ELF2: variants seen among roughly 807,000 people sequenced by gnomAD.
ELF2 encodes the protein ETS-related transcription factor Elf-2.
ELF2 carries 11 observed loss-of-function variants against 54.8 expected under a neutral mutation model. That is an observed-to-expected ratio of 0.20 (90% confidence interval 0.13 to 0.33). The LOEUF (loss-of-function observed/expected upper bound fraction) is 0.33. Among genes scored for constraint, ELF2 ranks in the 10% least tolerant of loss-of-function variants. ELF2 has a pLI of 1.00. For missense variants in ELF2, 513 were observed against 703.0 expected, an observed-to-expected ratio of 0.73 and a Z score of 3.06; for synonymous variants, 203 against 245.1, an observed-to-expected ratio of 0.83 and a Z score of 1.61.
chr4:139,080,082 G>A (rs530920823), intron 4 of ELF2, among the ~76,000 whole-genome samples: 12 of 152,134 alleles, frequency 7.9e-5, no homozygotes, highest in Admixed American at 7.2e-4. Flanking sequence ...TCAAACATGA[G>A]GAATTATTTT....
intron 4 of ELF2, among the ~76,000 whole-genome samples, chr4:139,080,471 A>G (rs1267990481): frequency 1.3e-5 from 2 of 152,206 alleles, no homozygotes; most frequent in African/African-American, 4.8e-5. Flanking sequence ...TTCATAATGA[A>G]CTTTAATAAA....
chr4:139,068,066 G>A (rs1415847002), intron 6 of ELF2, among the ~76,000 whole-genome samples: 4 of 150,824 alleles, frequency 2.7e-5, no homozygotes, highest in Admixed American at 6.6e-5. Context: ...TTGCTCTGTC[G>A]CCCAGGCTGG....
At position 139,060,606 on chromosome 4, in the gene ELF2, A is replaced by G. The variant is rs746770126; in HGVS notation, c.875T>C (p.Met292Thr). ...GQRLVYQFKDMPKNIVVIDDD... is the reference protein window; with the variant it reads ...GQRLVYQFKDTPKNIVVIDDD... Reference sequence around the variant, plus strand: ...ATCTATGACCACTATGTTTTTCGGCATATCCTTGAACTGATATACAAGCCT... The same window carrying G: ...ATCTATGACCACTATGTTTTTCGGCGTATCCTTGAACTGATATACAAGCCT... Residue 292 changes from methionine (M) to threonine (T), a missense_variant, in exon 9 of 10, where the codon ATG (methionine) becomes ACG (threonine). This residue lies in a region of ELF2 where 291 missense variants were observed against 366.1 expected (regional missense o/e 0.79). Coordinates refer to ENST00000686138, the MANE Select transcript of ELF2 (RefSeq NM_001331036.3). 14 of 1,613,726 alleles carry G rather than the reference A, an allele frequency of 8.7e-6. No individual in the cohort carries two copies. Among genetic ancestry groups the G allele is most frequent in the Non-Finnish European group, 1.1e-5 (13 of 1,179,948 alleles).
At chr4:139,172,748 C>A (rs189711633) in intron 1 of ELF2, among the ~76,000 whole-genome samples, 1 of 151,932 alleles carries the variant, frequency 6.6e-6, no homozygotes, top group East Asian at 1.9e-4. Context: ...TGTTTTTAAT[C>A]TCTTATTATG....
intron 3 of ELF2, among the ~76,000 whole-genome samples, chr4:139,125,779 C>CAAA (rs367767700): frequency 3.1e-5 from 3 of 96,488 alleles, no homozygotes; most frequent in Non-Finnish European, 4.3e-5. Context: ...AGTCTGGCAG[C>CAAA]AAAAAAAAAA....
intron 4 of ELF2, among the ~76,000 whole-genome samples, chr4:139,078,879 T>G (rs1406075822): frequency 6.6e-6 from 1 of 152,154 alleles, no homozygotes; most frequent in Admixed American, 6.5e-5. Context: ...AATTATTAAT[T>G]CATTTAAAAT....
chr4:139,177,353 C>G (rs1449573503), upstream of ELF2: 1 of 150,704 alleles, frequency 6.6e-6, no homozygotes, highest in Non-Finnish European at 1.5e-5. Flanking sequence ...GAGTGCTCCT[C>G]CCCTCCCCAC....
chr4:139,125,406 T>C lies in ELF2; in HGVS notation c.73-77A>G, dbSNP rs1460306687. Reference sequence around the variant, plus strand: ...ATTCACTTATAAATCCTTGAACTAATACAGTCTCGAGCAGTCCACATAATG... The same window carrying C: ...ATTCACTTATAAATCCTTGAACTAACACAGTCTCGAGCAGTCCACATAATG... On this transcript the variant is annotated intron_variant, in intron 3 of 9. Transcript: ENST00000686138. The C allele has an allele frequency of 1.4e-5, 21 of 1,542,854 alleles. No individual in the cohort carries two copies. In the East Asian group the frequency reaches 1.6e-4, roughly 12 times the overall value.
chr4:139,161,788 T>C (rs761634569), intron 1 of ELF2, among the ~76,000 whole-genome samples: 13 of 149,456 alleles, frequency 8.7e-5, no homozygotes, highest in Non-Finnish European at 1.8e-4. Context: ...CTGCCCAACA[T>C]GGAGAAACCC....
intron 4 of ELF2, among the ~76,000 whole-genome samples, chr4:139,076,272 T>C (rs1560776185): frequency 6.6e-6 from 1 of 152,204 alleles, no homozygotes; most frequent in Non-Finnish European, 1.5e-5. Flanking sequence ...AGTAAATCTA[T>C]CTTTAGGTGA....
intron 4 of ELF2, among the ~76,000 whole-genome samples, chr4:139,083,676 G>A (rs1731507163): frequency 6.6e-6 from 1 of 152,232 alleles, no homozygotes; most frequent in Non-Finnish European, 1.5e-5. Context: ...GCGTTCGCCG[G>A]AGAAGCCCGC....
chr4:139,114,923 G>C, intron 4 of ELF2: 3 of 1,612,856 alleles, frequency 1.9e-6, no homozygotes, highest in Non-Finnish European at 2.5e-6. Context: ...TCCTGGGTCG[G>C]GGACCCTCAC....
intron 1 of ELF2, among the ~76,000 whole-genome samples, chr4:139,155,958 T>G (rs1463181522): frequency 2.6e-5 from 4 of 152,050 alleles, no homozygotes; most frequent in Non-Finnish European, 5.9e-5. Context: ...GCAAGAAAGC[T>G]CTTTAATCTG....
In ELF2 at chr4:139,067,754, C is replaced by G. The variant is rs528571937; in HGVS notation, c.543G>C (p.Lys181Asn). ...CATTGGAAATTGGTGATTGCTGGGT[C>G]TTTGGTTTACGGCCAACTGAAAAAA... ...MKKKKVGRKPKTQQSPISNGS... is the reference protein window; with the variant it reads ...MKKKKVGRKPNTQQSPISNGS... Residue 181 changes from lysine (K) to asparagine (N), a missense_variant, in exon 7 of 10, where the codon AAG becomes AAC. By Grantham distance (94) the Lys-to-Asn change is moderately conservative. Transcript: ENST00000686138. 6.3e-7 allele frequency: 1 copy of G among 1,596,006 alleles called. No homozygotes were observed. The highest frequency in any genetic ancestry group is 1.1e-5 in the South Asian group (1 of 88,478).
chr4:139,132,377 T>C (rs969450767), intron 3 of ELF2, among the ~76,000 whole-genome samples: 2 of 152,052 alleles, frequency 1.3e-5, no homozygotes, highest in Non-Finnish European at 2.9e-5. Context: ...AGTCAAGAAA[T>C]AGAACATTTC....
In ELF2 at chr4:139,145,391, A is replaced by G. The variant is rs535544891; in HGVS notation, c.-251-5894T>C. ...TGGATCCCTTGCAGACATTCCCCAGAATCAGCCTGGAATGTGGTAACCCCA... is the reference window on the plus strand; with the variant it reads ...TGGATCCCTTGCAGACATTCCCCAGGATCAGCCTGGAATGTGGTAACCCCA... On this transcript the variant is annotated intron_variant, in intron 1 of 9. Transcript: ENST00000686138. Among the ~76,000 whole-genome samples, 33 of 152,298 alleles carry G rather than the reference A, an allele frequency of 2.2e-4. No individual in the cohort carries two copies. The South Asian group carries it at 6.8e-3, about 32-fold the overall frequency.
intron 4 of ELF2, chr4:139,084,441 C>G (rs1475978064): frequency 6.6e-6 from 7 of 1,062,780 alleles, no homozygotes; most frequent in Non-Finnish European, 6.9e-6. Flanking sequence ...GGGGCAGGGG[C>G]GGCGGCGGCG....
At chr4:139,076,835 C>T (rs1201578711) in intron 4 of ELF2, among the ~76,000 whole-genome samples, 1 of 152,090 alleles carries the variant, frequency 6.6e-6, no homozygotes, top group African/African-American at 2.4e-5. Flanking sequence ...AATTCTTGCA[C>T]ATATTTCTGA....
intron 4 of ELF2, among the ~76,000 whole-genome samples, chr4:139,077,640 C>A (rs941569114): frequency 2.6e-5 from 4 of 152,032 alleles, no homozygotes; most frequent in African/African-American, 9.7e-5. Flanking sequence ...ATTTCTCCTA[C>A]TTGTGTCTGT....
Sources: gnomAD v4.1 joint callset for allele counts (sites outside exome capture counted in the v4.1 genomes callset) on GRCh38, gnomAD v4.1.1 for gene constraint, gnomAD v4.1.1 regional missense constraint, MANE v1.5 for transcripts, NCBI Gene and HGNC (gene_info 2026-07-23, HGNC 2026-07-21) for gene names.